The following GATAD2A variants were observed in gnomAD, a reference collection of about 807,000 sequenced individuals.
The protein encoded by GATAD2A is transcriptional repressor p66-alpha.
Under a neutral mutation model 68.5 loss-of-function variants are expected in GATAD2A, and 12 were observed. The ratio of observed to expected loss-of-function variants is 0.18; its 90% confidence interval spans 0.11 to 0.28. The LOEUF is 0.28. Among genes scored for constraint, GATAD2A ranks in the 10% least tolerant of loss-of-function variants. The pLI, the probability that GATAD2A is intolerant of heterozygous loss-of-function variation, is 1.00. For missense variants in GATAD2A, 755 were observed against 868.5 expected (o/e 0.87, Z 1.64); for synonymous variants, 410 against 375.3 (o/e 1.09, Z -1.07).
chr19:19,397,554 A>G (rs1461196615), intron 1 of GATAD2A, among the ~76,000 whole-genome samples: 1 of 152,154 alleles, frequency 6.6e-6, no homozygotes, highest in African/African-American at 2.4e-5. Context: ...AACATTTTCA[A>G]TCAGGAAGCA....
intron 1 of GATAD2A, among the ~76,000 whole-genome samples, chr19:19,431,356 C>G (rs903419852): frequency 1.2e-4 from 18 of 150,872 alleles, no homozygotes; most frequent in Non-Finnish European, 1.5e-5. Context: ...CAGATCGGCC[C>G]CTTCTCCTTC....
At chr19:19,407,972 AGAATG>A (rs1389539254) in intron 1 of GATAD2A, among the ~76,000 whole-genome samples, 1 of 152,196 alleles carries the variant, frequency 6.6e-6, no homozygotes, top group Non-Finnish European at 1.5e-5. Flanking sequence ...AGGGCTATAG[AGAATG>A]GAAAGATTTG....
chr19:19,431,598 G>T (rs2053757323), intron 1 of GATAD2A, among the ~76,000 whole-genome samples: 1 of 150,516 alleles, frequency 6.6e-6, no homozygotes, highest in Non-Finnish European at 1.5e-5. Context: ...GGAGGCTGAG[G>T]CAGGAGAATT....
At chr19:19,455,876 C>T (rs1312404331) in intron 1 of GATAD2A, among the ~76,000 whole-genome samples, 3 of 151,938 alleles carry the variant, frequency 2.0e-5, no homozygotes, top group Non-Finnish European at 2.9e-5. Context: ...ACTGGCCAGG[C>T]GTGGTGGCTT....
intron 2 of GATAD2A, among the ~76,000 whole-genome samples, chr19:19,485,970 A>G (rs2059399912): frequency 6.6e-6 from 1 of 152,198 alleles, no homozygotes; most frequent in Non-Finnish European, 1.5e-5. Context: ...ATCTATGTGC[A>G]CGAGGGAAGC....
rs570040963 is a variant in GATAD2A, at chr19:19,410,979, CTG to C, written c.-7+4962_-7+4963del. Among the ~76,000 whole-genome samples the C allele has an allele frequency of 2.7e-3, 412 of 152,356 alleles. 4 individuals carry two copies. Among genetic ancestry groups the C allele is most frequent in the African/African-American group, 9.3e-3 (387 of 41,598 alleles). On this transcript the variant is annotated intron_variant, in intron 1 of 11. Transcript: ENST00000683918. ...TGCAGTTCAGTGAGTACTGTTATGA[CTG>C]TAACAGATGAGCCAGAGTTCACAAG... is the stretch of plus-strand genomic sequence containing the variant.
chr19:19,467,266 C>T (rs1367132870), intron 2 of GATAD2A, among the ~76,000 whole-genome samples: 1 of 152,086 alleles, frequency 6.6e-6, no homozygotes, highest in Non-Finnish European at 1.5e-5. Context: ...GTCCCAGTGA[C>T]TTGGGAGGCT....
chr19:19,413,258 A>G (rs1388060742), intron 1 of GATAD2A, among the ~76,000 whole-genome samples: 1 of 152,224 alleles, frequency 6.6e-6, no homozygotes, highest in Non-Finnish European at 1.5e-5. Flanking sequence ...CTTCGTTCAC[A>G]TCCGCAGAGG....
intron 1 of GATAD2A, among the ~76,000 whole-genome samples, chr19:19,454,491 C>G (rs918508717): frequency 6.6e-6 from 1 of 151,736 alleles, no homozygotes; most frequent in African/African-American, 2.4e-5. Flanking sequence ...CCCAGCTACT[C>G]AGGAGGCTGA....
intron 3 of GATAD2A, 46 bp downstream of exon 3, chr19:19,492,484 C>G: frequency 1.2e-6 from 2 of 1,613,080 alleles, no homozygotes; most frequent in African/African-American, 1.3e-5. Context: ...CTGTGCCCTT[C>G]CTACTCATGA....
intron 11 of GATAD2A, among the ~76,000 whole-genome samples, chr19:19,504,536 C>T: frequency 6.6e-6 from 1 of 152,034 alleles, no homozygotes; most frequent in Non-Finnish European, 1.5e-5. Flanking sequence ...GCCTATAATC[C>T]CAGTGCTTTG....
chr19:19,411,732 G>A (rs1044430502), intron 1 of GATAD2A, among the ~76,000 whole-genome samples: 1 of 152,196 alleles, frequency 6.6e-6, no homozygotes, highest in African/African-American at 2.4e-5. Context: ...GTGAGGACAA[G>A]TGGAAAGTGT....
chr19:19,449,393 A>G (rs566061334), intron 1 of GATAD2A, among the ~76,000 whole-genome samples: 29 of 152,214 alleles, frequency 1.9e-4, no homozygotes, highest in African/African-American at 6.5e-4. Flanking sequence ...TTTTAGAGAC[A>G]GGGTCCAGGC....
intron 1 of GATAD2A, among the ~76,000 whole-genome samples, chr19:19,457,832 T>G (rs1600180043): frequency 6.6e-6 from 1 of 151,462 alleles, no homozygotes; most frequent in South Asian, 2.1e-4. Context: ...GTAGCCTGAG[T>G]TCAGACCTAG....
chr19:19,404,744 T>C (rs528037878), upstream of GATAD2A, among the ~76,000 whole-genome samples: 36 of 152,292 alleles, frequency 2.4e-4, no homozygotes, highest in Non-Finnish European at 4.9e-4. Flanking sequence ...GGTGAAACTT[T>C]TGTTTCAGTT....
chr19:19,438,454 G>A (rs935913074), intron 1 of GATAD2A, among the ~76,000 whole-genome samples: 2 of 152,222 alleles, frequency 1.3e-5, no homozygotes, highest in African/African-American at 4.8e-5. Context: ...AGCCAGCCCA[G>A]GGAAGTGAGT....
intron 1 of GATAD2A, among the ~76,000 whole-genome samples, chr19:19,417,036 A>G (rs2051732993): frequency 2.0e-5 from 3 of 152,192 alleles, no homozygotes; most frequent in Admixed American, 1.3e-4. Flanking sequence ...TGCTGGGATT[A>G]CAGGTGTGAG....
rs541304769 is a variant in GATAD2A, at chr19:19,415,968, C to T, written c.-7+9949C>T. The stretch of plus-strand genomic sequence containing the variant: ...ACTTTTCCCTGTATGGTTTTTTTTC[C>T]CCCCCAAGAGACATGGTTTTGCTCT... On this transcript the variant is annotated intron_variant, in intron 1 of 11. Transcript: ENST00000683918. Among the ~76,000 whole-genome samples the T allele has an allele frequency of 1.1e-4, 16 of 150,956 alleles. No homozygotes were observed. The South Asian group carries it at 2.5e-3, about 24-fold the overall frequency.
chr19:19,428,914 C>A (rs1227895291), intron 1 of GATAD2A, among the ~76,000 whole-genome samples: 1 of 152,178 alleles, frequency 6.6e-6, no homozygotes, highest in East Asian at 1.9e-4. Flanking sequence ...GCTCTGGACT[C>A]ACCCCAGGGG....
Sources: gnomAD v4.1 joint callset for allele counts (sites outside exome capture counted in the v4.1 genomes callset) on GRCh38, gnomAD v4.1.1 for gene constraint, MANE v1.5 for transcripts, NCBI Gene and HGNC (gene_info 2026-07-23, HGNC 2026-07-21) for gene names.